Variants in LPGAT1 observed in about 807,000 individuals in gnomAD.
LPGAT1 encodes lysophosphatidylglycerol acyltransferase 1, also known as acyl-CoA:lysophosphatidylglycerol acyltransferase 1.
Under a neutral mutation model 47.5 loss-of-function variants are expected in LPGAT1, and 11 were observed. That is an observed-to-expected ratio of 0.23 (90% CI 0.15 to 0.38). The LOEUF is 0.38. Among genes scored for constraint, LPGAT1 ranks in the 10% least tolerant of loss-of-function variants. LPGAT1 has a pLI of 1.00. For missense variants in LPGAT1, 293 were observed against 439.0 expected, an observed-to-expected ratio of 0.67 and a Z score of 2.97; for synonymous variants, 138 against 144.2, an observed-to-expected ratio of 0.96 and a Z score of 0.31.
chr1:211,779,109 T>C (rs1658529765), intron 5 of LPGAT1, 65 bp from the exon 6 acceptor site: 19 of 1,356,524 alleles, frequency 1.4e-5, no homozygotes, highest in South Asian at 3.0e-5. Flanking sequence ...GCAAATAACA[T>C]AGATTACTTG....
intron 2 of LPGAT1, among the ~76,000 whole-genome samples, chr1:211,816,673 A>G (rs1434568423): frequency 6.6e-6 from 1 of 152,212 alleles, no homozygotes; most frequent in Non-Finnish European, 1.5e-5. Flanking sequence ...TATAATAATG[A>G]TCATTCTAAT....
chr1:211,814,610 T>C lies in LPGAT1; in HGVS notation c.238+14449A>G, dbSNP rs1305795253. 2.0e-5 allele frequency among the ~76,000 whole-genome samples: 3 copies of C among 152,196 alleles called. No homozygotes were observed. The East Asian group carries it at 5.8e-4, about 29-fold the overall frequency. Reference sequence around the variant, plus strand: ...ACAGTTTCCTAATACACTAGCTGTGTAAGTAAATGATCCCGGTTTCATCAG... The same window carrying C: ...ACAGTTTCCTAATACACTAGCTGTGCAAGTAAATGATCCCGGTTTCATCAG... On this transcript the variant is annotated intron_variant, in intron 2 of 7. Coordinates refer to ENST00000366997, the MANE Select transcript of LPGAT1 (RefSeq NM_014873.3).
At chr1:211,751,192 G>T in intron 6 of LPGAT1, 125 bp from the exon 7 acceptor site, 3 of 617,784 alleles carry the variant, frequency 4.9e-6, no homozygotes, top group South Asian at 4.8e-5. Flanking sequence ...AACAAGGGTT[G>T]GTTTCTTCAG....
chr1:211,753,127 G>A (rs1218433420), intron 6 of LPGAT1, among the ~76,000 whole-genome samples: 1 of 152,168 alleles, frequency 6.6e-6, no homozygotes, highest in Non-Finnish European at 1.5e-5. Context: ...GCTGCCTGTA[G>A]TCTCACATTA....
At chr1:211,828,033 G>A (rs2102614664) in intron 2 of LPGAT1, among the ~76,000 whole-genome samples, 1 of 152,270 alleles carries the variant, frequency 6.6e-6, no homozygotes, top group East Asian at 1.9e-4. Flanking sequence ...AAATGTGCAG[G>A]TGCAGCCTAG....
chr1:211,797,590 AG>A (rs1226859125), intron 2 of LPGAT1, among the ~76,000 whole-genome samples: 1 of 152,212 alleles, frequency 6.6e-6, no homozygotes, highest in African/African-American at 2.4e-5. Flanking sequence ...CAACAAAATC[AG>A]TATTAAAATG....
chr1:211,793,253 A>G (rs887750461), intron 2 of LPGAT1, 63 bp from the exon 3 acceptor site: 19 of 1,045,870 alleles, frequency 1.8e-5, no homozygotes, highest in Non-Finnish European at 2.6e-5. Context: ...CACAAACCTT[A>G]TATTAGAAAA....
At chr1:211,779,948 C>T (rs1008150582) in intron 5 of LPGAT1, among the ~76,000 whole-genome samples, 1 of 151,906 alleles carries the variant, frequency 6.6e-6, no homozygotes, top group African/African-American at 2.4e-5. Context: ...GAGGCTGAGG[C>T]GGGCAGATCA....
intron 6 of LPGAT1, among the ~76,000 whole-genome samples, chr1:211,773,408 T>C (rs1170565319): frequency 1.3e-5 from 2 of 152,168 alleles, no homozygotes; most frequent in South Asian, 2.1e-4. Context: ...CCTCCCCAAA[T>C]TAAAATAAGT....
At chr1:211,821,301 ATGT>A (rs1023398166) in intron 2 of LPGAT1, among the ~76,000 whole-genome samples, 36 of 152,314 alleles carry the variant, frequency 2.4e-4, no homozygotes, top group African/African-American at 7.0e-4. Context: ...AATTCTGAAA[ATGT>A]TGTAAGAATA....
At chr1:211,750,529 A>G (rs1657131886) in intron 7 of LPGAT1, among the ~76,000 whole-genome samples, 3 of 152,224 alleles carry the variant, frequency 2.0e-5, no homozygotes, top group Non-Finnish European at 2.9e-5. Context: ...TGTGAGATTG[A>G]CATGAAATAA....
intron 6 of LPGAT1, among the ~76,000 whole-genome samples, chr1:211,772,887 G>C (rs1318576624): frequency 6.6e-6 from 1 of 152,072 alleles, no homozygotes; most frequent in East Asian, 1.9e-4. Flanking sequence ...AAAAGCAGAA[G>C]GAAAGACCAA....
chr1:211,808,998 C>T (rs1459772607), intron 2 of LPGAT1, among the ~76,000 whole-genome samples: 2 of 151,560 alleles, frequency 1.3e-5, no homozygotes, highest in African/African-American at 2.4e-5. Flanking sequence ...GAGATCGAGA[C>T]CATCCTGGCT....
rs1464106872 is a variant in LPGAT1 at position 211,749,435 on chromosome 1, TC to T, written c.*463del. On this transcript the variant is annotated 3_prime_UTR_variant, in exon 8 of 8. Transcript: ENST00000366997. Reference sequence around the variant, plus strand: ...TTACTGCAAACGACAGGGAAAGAGTTCTTCACGAGGTGCCAACCAGCTCCCC... The same window carrying T: ...TTACTGCAAACGACAGGGAAAGAGTTTTCACGAGGTGCCAACCAGCTCCCC... The T allele has an allele frequency of 6.4e-6, 1 of 156,524 alleles. No homozygotes were observed. The highest frequency in any genetic ancestry group is 1.4e-5 in the Non-Finnish European group (1 of 71,312). The allele number at this position is 156,524 out of a possible 1,614,324, so 9.7% of individuals were successfully genotyped here.
At chr1:211,827,171 T>C (rs1167630707) in intron 2 of LPGAT1, among the ~76,000 whole-genome samples, 1 of 152,232 alleles carries the variant, frequency 6.6e-6, no homozygotes, top group Non-Finnish European at 1.5e-5. Flanking sequence ...ACAGTCTATA[T>C]TTAAATGAGA....
At chr1:211,751,200 C>T in intron 6 of LPGAT1, 133 bp from the exon 7 acceptor site, 1 of 604,240 alleles carries the variant, frequency 1.7e-6, no homozygotes, top group Non-Finnish European at 2.9e-6. Context: ...TTGGTTTCTT[C>T]AGCTTTTCAG....
chr1:211,745,099 C>G lies in LPGAT1; in HGVS notation c.*4800G>C, dbSNP rs1656892403. The G allele has an allele frequency of 6.6e-6, 1 of 152,624 alleles. No homozygotes were observed. Among genetic ancestry groups the G allele is most frequent in the Admixed American group, 6.5e-5 (1 of 15,282 alleles). The allele number at this position is 152,624 out of a possible 1,614,324, so 9.5% of individuals were successfully genotyped here. On this transcript the variant is annotated 3_prime_UTR_variant, in exon 8 of 8. Transcript: ENST00000366997. ...ACATCTAAATTTCTGAAAAGGTGAT[C>G]TGGTTACCAAAATCATCCCAAATGC... is the stretch of plus-strand genomic sequence containing the variant.
intron 5 of LPGAT1, among the ~76,000 whole-genome samples, chr1:211,780,876 C>T (rs1232417967): frequency 7.5e-6 from 1 of 133,484 alleles, no homozygotes; most frequent in East Asian, 3.4e-4. Context: ...CTGCAAAATT[C>T]TTTCAACTCT....
intron 6 of LPGAT1, among the ~76,000 whole-genome samples, chr1:211,754,351 G>A (rs1657344820): frequency 6.6e-6 from 1 of 152,120 alleles, no homozygotes. Context: ...TTGGCTCCTG[G>A]CTTTCCCACA....
Sources: gnomAD v4.1 joint callset for allele counts (sites outside exome capture counted in the v4.1 genomes callset) on GRCh38, gnomAD v4.1.1 for gene constraint, MANE v1.5 for transcripts, NCBI Gene and HGNC (gene_info 2026-07-23, HGNC 2026-07-21) for gene names.